Variants in RALGAPA2 observed in about 807,000 individuals in gnomAD.
RALGAPA2 encodes the protein Ral GTPase activating protein catalytic subunit alpha 2.
A neutral mutation model predicts 230.4 loss-of-function variants in RALGAPA2; 139 were observed. That is an observed-to-expected ratio of 0.60 (90% CI 0.53 to 0.69). The LOEUF is 0.69. Among genes scored for constraint, RALGAPA2 ranks in the 30% least tolerant of loss-of-function variants. RALGAPA2 has a pLI of 0.00. For synonymous variants in RALGAPA2, 847 were observed against 837.8 expected, an observed-to-expected ratio of 1.01 and a Z score of -0.19; for missense variants, 2,163 against 2,276.0, an observed-to-expected ratio of 0.95 and a Z score of 1.01.
intron 28 of RALGAPA2, among the ~76,000 whole-genome samples, chr20:20,525,602 A>C (rs2145494107): frequency 6.6e-6 from 1 of 152,338 alleles, no homozygotes; most frequent in Admixed American, 6.5e-5. Context: ...GTATAAGAAC[A>C]GGGCATGTTT....
intron 24 of RALGAPA2, among the ~76,000 whole-genome samples, chr20:20,538,633 C>T (rs562340757): frequency 1.3e-5 from 2 of 152,192 alleles, no homozygotes; most frequent in African/African-American, 4.8e-5. Context: ...TTCTTCCTTC[C>T]CTTTCCCCCA....
intron 3 of RALGAPA2, among the ~76,000 whole-genome samples, chr20:20,661,193 C>T (rs2146673808): frequency 6.6e-6 from 1 of 152,246 alleles, no homozygotes; most frequent in East Asian, 1.9e-4. Context: ...GAGCCTCGCT[C>T]TGTTTCCCAG....
chr20:20,511,383 T>C (rs1361426693), intron 32 of RALGAPA2, 58 bp from the exon 33 acceptor site: 1 of 1,510,918 alleles, frequency 6.6e-7, no homozygotes, highest in Non-Finnish European at 8.8e-7. Flanking sequence ...TTTTGCCGCT[T>C]TTCAATCAGT....
At chr20:20,601,906 T>C in intron 15 of RALGAPA2, 60 bp from the exon 16 acceptor site, 1 of 1,416,126 alleles carries the variant, frequency 7.1e-7, no homozygotes, top group Non-Finnish European at 9.4e-7. Context: ...ATTTCACGCT[T>C]GTGTTGCTCA....
At chr20:20,416,721 CTA>C (rs1471691617) in intron 37 of RALGAPA2, among the ~76,000 whole-genome samples, 4 of 152,172 alleles carry the variant, frequency 2.6e-5, no homozygotes, top group Non-Finnish European at 5.9e-5. Flanking sequence ...CTCATTCGGG[CTA>C]TGTGTTTGTT....
intron 33 of RALGAPA2, among the ~76,000 whole-genome samples, chr20:20,506,622 T>C (rs1218721843): frequency 6.6e-6 from 1 of 152,198 alleles, no homozygotes; most frequent in Non-Finnish European, 1.5e-5. Context: ...TTCTGATAAA[T>C]CTCATAGGAA....
chr20:20,669,901 AT>A (rs1207149061), intron 3 of RALGAPA2, among the ~76,000 whole-genome samples: 1 of 152,252 alleles, frequency 6.6e-6, no homozygotes, highest in African/African-American at 2.4e-5. Flanking sequence ...AATGTGAATT[AT>A]TTGATCTTGA....
rs1417922840 is a variant in RALGAPA2 at position 20,665,072 on chromosome 20, C to CTAG, written c.270+11163_270+11164insCTA. 2.0e-5 allele frequency among the ~76,000 whole-genome samples: 3 copies of CTAG among 152,146 alleles called. No homozygotes were observed. In the East Asian group the frequency reaches 5.8e-4, roughly 29 times the overall value. On this transcript the variant is annotated intron_variant, in intron 3 of 39. Coordinates refer to ENST00000202677, the MANE Select transcript of RALGAPA2 (RefSeq NM_020343.4). ...TAATAGCAAGTTTTTGTACAACTCT[C>CTAG]TCCTAAAGGTATATATTAATTTAAA...
intron 4 of RALGAPA2, among the ~76,000 whole-genome samples, chr20:20,650,322 A>G (rs1345872508): frequency 6.6e-6 from 1 of 152,208 alleles, no homozygotes; most frequent in East Asian, 1.9e-4. Flanking sequence ...TAAGAAACAG[A>G]CTTCAAGCAC....
chr20:20,412,229 G>C, intron 37 of RALGAPA2, 81 bp from the exon 38 acceptor site: 2 of 1,554,722 alleles, frequency 1.3e-6, no homozygotes, highest in Non-Finnish European at 1.8e-6. Flanking sequence ...TAATACCGTT[G>C]TGCAATTTTT....
At chr20:20,555,416 T>C (rs780451498) in intron 23 of RALGAPA2, among the ~76,000 whole-genome samples, 1 of 152,216 alleles carries the variant, frequency 6.6e-6, no homozygotes, top group Non-Finnish European at 1.5e-5. Context: ...TCCCTCCAAT[T>C]CCATGTGAAA....
At chr20:20,670,504 G>A (rs2146745734) in intron 3 of RALGAPA2, among the ~76,000 whole-genome samples, 2 of 152,292 alleles carry the variant, frequency 1.3e-5, no homozygotes, top group East Asian at 3.9e-4. Context: ...TGTAAAACAT[G>A]TAGATTCCGG....
chr20:20,389,947 CA>C lies in RALGAPA2; in HGVS notation c.*3341del, dbSNP rs1326578379. 6.6e-6 allele frequency: 1 copy of C among 152,094 alleles called. No individual in the cohort carries two copies. Among genetic ancestry groups the C allele is most frequent in the Admixed American group, 6.5e-5 (1 of 15,274 alleles). 9.4% of individuals were successfully genotyped at this position (152,094 alleles called of 1,614,324 possible). On this transcript the variant is annotated 3_prime_UTR_variant, in exon 40 of 40. Coordinates refer to ENST00000202677, the MANE Select transcript of RALGAPA2 (RefSeq NM_020343.4). ...GTACTAAACATTGTAGACCTGAAAA[CA>C]TAAGGAAACATTCACTTCATGTGTA...
intron 31 of RALGAPA2, among the ~76,000 whole-genome samples, chr20:20,513,977 T>C (rs2062797993): frequency 6.6e-6 from 1 of 152,204 alleles, no homozygotes; most frequent in Non-Finnish European, 1.5e-5. Context: ...GCATGTGTCA[T>C]TGCTGAGTGC....
chr20:20,400,168 C>T (rs1450440928), intron 38 of RALGAPA2, among the ~76,000 whole-genome samples: 1 of 152,216 alleles, frequency 6.6e-6, no homozygotes, highest in Non-Finnish European at 1.5e-5. Context: ...CCCACACACT[C>T]AACACTGGCA....
intron 35 of RALGAPA2, among the ~76,000 whole-genome samples, chr20:20,497,876 C>T (rs1295393461): frequency 6.6e-6 from 1 of 152,162 alleles, no homozygotes; most frequent in African/African-American, 2.4e-5. Context: ...GCACGTGACT[C>T]AGACTTCTGG....
intron 37 of RALGAPA2, among the ~76,000 whole-genome samples, chr20:20,424,120 T>A (rs1240476423): frequency 2.0e-5 from 3 of 152,218 alleles, no homozygotes; most frequent in Non-Finnish European, 4.4e-5. Context: ...TGCAACGGAT[T>A]TGGACTATGC....
At chr20:20,489,733 G>A (rs1465218128) in intron 36 of RALGAPA2, among the ~76,000 whole-genome samples, 1 of 152,178 alleles carries the variant, frequency 6.6e-6, no homozygotes, top group African/African-American at 2.4e-5. Context: ...CTCCTTGCTG[G>A]GCTGAGTGGC....
chr20:20,458,749 C>CATACACACCTATATAT (rs1183589598), intron 37 of RALGAPA2, among the ~76,000 whole-genome samples: 10 of 2,150 alleles, frequency 4.7e-3, no homozygotes, highest in East Asian at 8.1e-3. Flanking sequence ...TATATATATA[C>CATACACACCTATATAT]ATACACACCT....
Sources: gnomAD v4.1 joint callset for allele counts (sites outside exome capture counted in the v4.1 genomes callset) on GRCh38, gnomAD v4.1.1 for gene constraint, MANE v1.5 for transcripts, NCBI Gene and HGNC (gene_info 2026-07-23, HGNC 2026-07-21) for gene names.